Variants in ZBTB46 observed in about 807,000 individuals in gnomAD.
ZBTB46 encodes zinc finger and BTB domain-containing protein 46.
ZBTB46 carries 8 observed loss-of-function variants against 44.1 expected under a neutral mutation model. The ratio of observed to expected loss-of-function variants is 0.18; its 90% CI spans 0.11 to 0.33. The LOEUF is 0.33. ZBTB46 is among the 10% of genes least tolerant of loss of function. ZBTB46 has a pLI of 1.00. For missense variants in ZBTB46, 651 were observed against 847.7 expected (o/e 0.77, Z 2.88); for synonymous variants, 409 against 382.3 (o/e 1.07, Z -0.81).
intron 2 of ZBTB46, among the ~76,000 whole-genome samples, chr20:63,789,505 G>A (rs999543684): frequency 1.3e-5 from 2 of 152,124 alleles, no homozygotes; most frequent in Non-Finnish European, 2.9e-5. Flanking sequence ...GTCCCCTCCC[G>A]GTGTCACCCA....
intron 2 of ZBTB46, among the ~76,000 whole-genome samples, chr20:63,779,756 C>T (rs1267951899): frequency 6.6e-6 from 1 of 151,622 alleles, no homozygotes; most frequent in Non-Finnish European, 1.5e-5. Flanking sequence ...GACGGGGTTT[C>T]ACCACATTGG....
chr20:63,765,531 C>T (rs982006680), intron 3 of ZBTB46, among the ~76,000 whole-genome samples: 7 of 152,208 alleles, frequency 4.6e-5, no homozygotes, highest in African/African-American at 1.7e-4. Context: ...TGTGCCCAAG[C>T]GATCCTCCCT....
chr20:63,752,900 GGATGTACCGCCCTGCGGCCCA>G lies in ZBTB46; in HGVS notation c.1223-60_1223-40del, dbSNP rs756235760. 6.4e-7 allele frequency: 1 copy of G among 1,562,776 alleles called. No homozygotes were observed. Among genetic ancestry groups the G allele is most frequent in the Non-Finnish European group, 8.7e-7 (1 of 1,150,080 alleles). On this transcript the variant is annotated intron_variant, in intron 3 of 4. Transcript: ENST00000245663. This position sits in a 1 kb window ranked among gnomAD's most constrained non-coding sequence, Gnocchi z 5.6. ...ACCCGCGAGGCGTCAGCAGGGCTTG[GGATGTACCGCCCTGCGGCCCA>G]CAGACCACGGCTGCACGCCGCAGCC...
chr20:63,756,095 G>A (rs1239051204), intron 3 of ZBTB46, among the ~76,000 whole-genome samples: 1 of 152,210 alleles, frequency 6.6e-6, no homozygotes, highest in Non-Finnish European at 1.5e-5. Context: ...CTAAGCTCAG[G>A]GAAGAGCAGA....
At chr20:63,792,177 A>T (rs1387625390) in intron 1 of ZBTB46, among the ~76,000 whole-genome samples, 1 of 152,202 alleles carries the variant, frequency 6.6e-6, no homozygotes, top group Admixed American at 6.5e-5. Flanking sequence ...ATAAGGTCAC[A>T]TTCTGGGGTC....
chr20:63,811,022 G>A (rs1254364510), intron 1 of ZBTB46, among the ~76,000 whole-genome samples: 3 of 152,328 alleles, frequency 2.0e-5, no homozygotes, highest in Admixed American at 1.3e-4. Flanking sequence ...ACCAGCCGGC[G>A]TCCGTGTTCC....
chr20:63,786,789 C>T (rs1047447964), intron 2 of ZBTB46, among the ~76,000 whole-genome samples: 7 of 152,130 alleles, frequency 4.6e-5, no homozygotes, highest in South Asian at 4.1e-4. Flanking sequence ...GAATTACAGG[C>T]GTGAGCCACC....
intron 4 of ZBTB46, among the ~76,000 whole-genome samples, chr20:63,747,804 T>C (rs1333520176): frequency 6.6e-6 from 1 of 152,140 alleles, no homozygotes; most frequent in Admixed American, 6.5e-5. Flanking sequence ...TCTCAGCGTC[T>C]ACACTGTGTG....
chr20:63,797,310 T>C (rs1273389584), intron 1 of ZBTB46, among the ~76,000 whole-genome samples: 1 of 152,128 alleles, frequency 6.6e-6, no homozygotes, highest in Non-Finnish European at 1.5e-5. Context: ...GCTTCATCCA[T>C]GTCCCTACAA....
At chr20:63,819,336 T>C (rs1003362991) in intron 1 of ZBTB46, among the ~76,000 whole-genome samples, 1 of 152,186 alleles carries the variant, frequency 6.6e-6, no homozygotes, top group African/African-American at 2.4e-5. Flanking sequence ...CCTGCCAGCT[T>C]TGCTCCCTCC....
chr20:63,816,781 A>C (rs2092761018), intron 1 of ZBTB46, among the ~76,000 whole-genome samples: 1 of 152,142 alleles, frequency 6.6e-6, no homozygotes, highest in Non-Finnish European at 1.5e-5. Flanking sequence ...GCGGGCCCTC[A>C]CCCAATAGGA....
intron 1 of ZBTB46, among the ~76,000 whole-genome samples, chr20:63,805,140 C>T (rs1479248869): frequency 6.6e-6 from 1 of 151,876 alleles, no homozygotes; most frequent in Admixed American, 6.6e-5. Context: ...AGGATGGTCT[C>T]GATCTCTTGA....
chr20:63,764,714 T>C (rs900171582), intron 3 of ZBTB46, among the ~76,000 whole-genome samples: 33 of 151,422 alleles, frequency 2.2e-4, no homozygotes, highest in Non-Finnish European at 5.9e-5. Flanking sequence ...ACAGTTCTCC[T>C]GCCTCAGCCT....
chr20:63,813,350 G>A (rs1319034362), intron 1 of ZBTB46, among the ~76,000 whole-genome samples: 2 of 151,860 alleles, frequency 1.3e-5, no homozygotes, highest in South Asian at 2.1e-4. Context: ...TCGGGAGGCT[G>A]AGGCAGGAGA....
chr20:63,832,513 T>C (rs2092857325), upstream of ZBTB46, among the ~76,000 whole-genome samples: 1 of 152,064 alleles, frequency 6.6e-6, no homozygotes, highest in African/African-American at 2.4e-5. This position sits in a 1 kb window ranked among gnomAD's most constrained non-coding sequence, Gnocchi z 5.0. Flanking sequence ...GTGAGGCGCA[T>C]TCAGGAGCGG....
chr20:63,833,275 G>A (rs563806824), upstream of ZBTB46, among the ~76,000 whole-genome samples: 17 of 152,350 alleles, frequency 1.1e-4, no homozygotes, highest in African/African-American at 3.8e-4. Context: ...CACCTGCCAG[G>A]TTAGGGCTGC....
chr20:63,757,132 T>A (rs1299341873), intron 3 of ZBTB46, among the ~76,000 whole-genome samples: 2 of 152,086 alleles, frequency 1.3e-5, no homozygotes, highest in Non-Finnish European at 2.9e-5. Context: ...ATTCCCTATT[T>A]TTGGGGAGGG....
chr20:63,831,769 A>C (rs1600744382), upstream of ZBTB46, among the ~76,000 whole-genome samples: 3 of 148,666 alleles, frequency 2.0e-5, no homozygotes, highest in South Asian at 2.3e-4. Context: ...GCGGGTGCCC[A>C]GGTCACCGGC....
At chr20:63,819,496 C>T (rs1002656419) in intron 1 of ZBTB46, among the ~76,000 whole-genome samples, 2 of 152,096 alleles carry the variant, frequency 1.3e-5, no homozygotes, top group Admixed American at 1.3e-4. Flanking sequence ...CATGGGCACT[C>T]GACATGGCCT....
Sources: gnomAD v4.1 joint callset for allele counts (sites outside exome capture counted in the v4.1 genomes callset) on GRCh38, gnomAD v4.1.1 for gene constraint, Gnocchi (gnomAD v3.1) non-coding constraint, MANE v1.5 for transcripts, NCBI Gene and HGNC (gene_info 2026-07-23, HGNC 2026-07-21) for gene names.